CHD9: variants seen among roughly 807,000 people sequenced by gnomAD.
The protein encoded by CHD9 is ATP-dependent chromatin remodeler CHD9.
In CHD9, 77 loss-of-function variants were observed where a neutral mutation model predicts 316.1. The ratio of observed to expected loss-of-function variants is 0.24; its 90% CI spans 0.20 to 0.29. CHD9 has a LOEUF of 0.29. Ranked by LOEUF, CHD9 falls within the 10% of genes least tolerant of loss-of-function variation. The probability of loss-of-function intolerance (pLI) is 1.00; values close to 1 mark genes in which losing one functional copy is unlikely to be tolerated. For missense variants in CHD9, 2,763 were observed against 3,438.1 expected, an observed-to-expected ratio of 0.80 and a Z score of 4.91; for synonymous variants, 1,129 against 1,158.3, an observed-to-expected ratio of 0.97 and a Z score of 0.51.
Position 53,055,001 on chromosome 16 carries a change from C to CGCAGCGACAGCG in CHD9, c.-240_-229dup, listed in dbSNP as rs1439511513. ...TGCGCTCTAGTGGGCGCTTCACAGG[C>CGCAGCGACAGCG]GCAGCGACAGCGACAGCGACAGCTC... On this transcript the variant is annotated 5_prime_UTR_variant, in exon 1 of 39. Transcript: ENST00000447540. The CGCAGCGACAGCG allele has an allele frequency of 6.6e-6, 1 of 152,248 alleles. No homozygotes were observed. The highest frequency in any genetic ancestry group is 1.5e-5 in the Non-Finnish European group (1 of 68,066). The allele number at this position is 152,248 out of a possible 1,614,324, so 9.4% of individuals were successfully genotyped here. A position where few individuals can be genotyped will look rare whatever the true frequency, so the allele number is the denominator to read the frequency against.
intron 11 of CHD9, among the ~76,000 whole-genome samples, chr16:53,237,569 A>C (rs774110564): frequency 9.2e-5 from 14 of 152,012 alleles, no homozygotes; most frequent in Non-Finnish European, 1.9e-4. Context: ...CCTTCAGTTC[A>C]TCATGTTCTT....
chr16:53,232,652 G>A (rs561284652), intron 10 of CHD9, among the ~76,000 whole-genome samples: 5 of 152,100 alleles, frequency 3.3e-5, no homozygotes, highest in South Asian at 2.1e-4. Context: ...TCCCTGACCC[G>A]AACTAATGAA....
At chr16:53,251,693 T>C (rs554349804) in intron 17 of CHD9, among the ~76,000 whole-genome samples, 1 of 152,296 alleles carries the variant, frequency 6.6e-6, no homozygotes, top group African/African-American at 2.4e-5. Context: ...ATATTTGGAG[T>C]CAAGATTTAT....
chr16:53,055,483 G>A (rs2031956235), intron 1 of CHD9, among the ~76,000 whole-genome samples: 1 of 136,338 alleles, frequency 7.3e-6, no homozygotes, highest in Non-Finnish European at 1.5e-5. Flanking sequence ...CGATGCCCTA[G>A]TTCCACCCCC....
At chr16:53,290,590 G>A (rs182566753) in intron 27 of CHD9, among the ~76,000 whole-genome samples, 65 of 151,828 alleles carry the variant, frequency 4.3e-4, no homozygotes, top group African/African-American at 1.5e-3. Flanking sequence ...GGAGTTCAAG[G>A]CCAGCCTGGG....
intron 2 of CHD9, among the ~76,000 whole-genome samples, chr16:53,198,300 C>G (rs1433293561): frequency 6.7e-6 from 1 of 150,328 alleles, no homozygotes; most frequent in Non-Finnish European, 1.5e-5. Flanking sequence ...GCACCTGACT[C>G]ATAATAAGCA....
intron 2 of CHD9, among the ~76,000 whole-genome samples, chr16:53,166,298 G>C (rs2042265419): frequency 1.3e-5 from 2 of 152,084 alleles, no homozygotes; most frequent in South Asian, 4.1e-4. Flanking sequence ...TAAGGCTATT[G>C]ACCTCTAGCA....
At chr16:53,093,516 A>G (rs181180273) in intron 1 of CHD9, among the ~76,000 whole-genome samples, 173 of 152,306 alleles carry the variant, frequency 1.1e-3, no homozygotes, top group Non-Finnish European at 1.6e-3. Context: ...TGTGCCAGGC[A>G]TTGTCCTTGA....
intron 19 of CHD9, 23 bp from the exon 20 acceptor site, chr16:53,262,963 TA>T: frequency 1.3e-6 from 2 of 1,569,910 alleles, no homozygotes; most frequent in Non-Finnish European, 1.8e-6. Flanking sequence ...ATTTTTCCTC[TA>T]AAACTGCCAT....
At chr16:53,226,010 A>G (rs956262129) in intron 4 of CHD9, among the ~76,000 whole-genome samples, 1 of 152,126 alleles carries the variant, frequency 6.6e-6, no homozygotes, top group Non-Finnish European at 1.5e-5. Context: ...TCTAAAGAAA[A>G]GTAATGTAGT....
chr16:53,074,441 A>G (rs536758202), intron 1 of CHD9, among the ~76,000 whole-genome samples: 35 of 152,232 alleles, frequency 2.3e-4, no homozygotes, highest in Non-Finnish European at 4.0e-4. Flanking sequence ...AATCCCCAGG[A>G]CAATGGAGAA....
intron 1 of CHD9, among the ~76,000 whole-genome samples, chr16:53,083,030 A>G (rs1367722147): frequency 6.6e-6 from 1 of 152,226 alleles, no homozygotes; most frequent in Non-Finnish European, 1.5e-5. Flanking sequence ...CTTGGTACAT[A>G]TCACAGTGCC....
intron 1 of CHD9, among the ~76,000 whole-genome samples, chr16:53,141,785 T>A (rs1262863590): frequency 6.6e-6 from 1 of 152,104 alleles, no homozygotes; most frequent in African/African-American, 2.4e-5. Flanking sequence ...GTATAATAAC[T>A]TGAAGTGTTT....
At chr16:53,220,870 T>G (rs974558603) in intron 3 of CHD9, among the ~76,000 whole-genome samples, 17 of 152,194 alleles carry the variant, frequency 1.1e-4, no homozygotes, top group Non-Finnish European at 1.5e-5. Context: ...TCCCCCTACC[T>G]GGAATGTACT....
At chr16:53,066,177 T>A (rs1036299536) in intron 1 of CHD9, among the ~76,000 whole-genome samples, 1 of 152,142 alleles carries the variant, frequency 6.6e-6, no homozygotes, top group Non-Finnish European at 1.5e-5. Flanking sequence ...TTGCTTAACC[T>A]CCTGAGCCTA....
chr16:53,247,043 G>A (rs1308586486), intron 15 of CHD9, among the ~76,000 whole-genome samples: 1 of 152,062 alleles, frequency 6.6e-6, no homozygotes, highest in Non-Finnish European at 1.5e-5. Flanking sequence ...ATTTATAAAA[G>A]GCATTATGCC....
Position 53,280,025 on chromosome 16 carries a change from A to C in CHD9, c.4968-5571A>C, listed in dbSNP as rs1213205334. ...CATAATCAAAAAATCAAAAAATAAT[A>C]GATGTTGGTATGGATGTAGTGAACA... On this transcript the variant is annotated intron_variant, in intron 24 of 38. Transcript: ENST00000447540. Among the ~76,000 whole-genome samples, 11 of 152,316 alleles carry C rather than the reference A, an allele frequency of 7.2e-5. No homozygotes were observed. The East Asian group carries it at 2.1e-3, about 29-fold the overall frequency.
At chr16:53,057,382 A>G (rs1422586850) in intron 1 of CHD9, among the ~76,000 whole-genome samples, 1 of 150,980 alleles carries the variant, frequency 6.6e-6, no homozygotes, top group Non-Finnish European at 1.5e-5. Flanking sequence ...GGCCGGGTGC[A>G]GTGGCTCATG....
intron 16 of CHD9, 41 bp downstream of exon 16, chr16:53,247,544 T>G: frequency 7.3e-7 from 1 of 1,361,882 alleles, no homozygotes; most frequent in South Asian, 1.2e-5. Flanking sequence ...GCTAAGTATA[T>G]GCTATTAAGA....
Sources: gnomAD v4.1 joint callset for allele counts (sites outside exome capture counted in the v4.1 genomes callset) on GRCh38, gnomAD v4.1.1 for gene constraint, MANE v1.5 for transcripts, NCBI Gene and HGNC (gene_info 2026-07-23, HGNC 2026-07-21) for gene names.